The following IQCH variants were observed in gnomAD, a reference collection of about 807,000 sequenced individuals.
IQCH encodes the protein IQ motif containing H.
IQCH carries 98 observed loss-of-function variants against 117.0 expected under a neutral mutation model. The observed-to-expected ratio is 0.84, with a 90% CI of 0.71 to 0.99. The LOEUF (loss-of-function observed/expected upper bound fraction) is 0.99, where lower values mean the gene tolerates loss of function less well. Ranked by LOEUF, IQCH falls within the 50% of genes least tolerant of loss-of-function variation. The pLI, the probability that IQCH is intolerant of heterozygous loss-of-function variation, is 0.00. For missense variants in IQCH, 1,102 were observed against 1,243.8 expected (o/e 0.89, Z 1.72); for synonymous variants, 412 against 448.2 (o/e 0.92, Z 1.02).
In IQCH at chr15:67,481,483, G is replaced by A. The variant is rs1027729719; in HGVS notation, c.2799+5665G>A. ...CCATGGTTCAGTTACCTCCCACTGC[G>A]TTCCTCCCATGACACGTGGGGATTA... On this transcript the variant is annotated intron_variant, in intron 18 of 20. Transcript: ENST00000335894. The surrounding 1 kb of genome is among the most constrained non-coding windows in gnomAD (Gnocchi z 4.1). Among the ~76,000 whole-genome samples the A allele has an allele frequency of 6.6e-5, 10 of 152,128 alleles. No individual in the cohort carries two copies. The highest frequency in any genetic ancestry group is 2.6e-4 in the Admixed American group (4 of 15,278).
rs2082378111 is a variant in IQCH at position 67,445,790 on chromosome 15, T to C, written c.2506-19337T>C. Among the ~76,000 whole-genome samples the C allele has an allele frequency of 6.6e-6, 1 of 152,184 alleles. No individual in the cohort carries two copies. On this transcript the variant is annotated intron_variant, in intron 16 of 20. Transcript: ENST00000335894. The surrounding 1 kb of genome is among the most constrained non-coding windows in gnomAD (Gnocchi z 4.3). ...CAAATGTCTTAATATGTAAATGCTATTAAACCAACCCACTGGAGCTTGATC... is the reference window on the plus strand; with the variant it reads ...CAAATGTCTTAATATGTAAATGCTACTAAACCAACCCACTGGAGCTTGATC...
In IQCH at chr15:67,372,677, C is replaced by T. The variant is rs1342702664; in HGVS notation, c.1305+15C>T. Reference sequence around the variant, plus strand: ...TTCGAGCCAAGGTGCACAAGGCTGCCAGCTGTTAAGGCAGACCTCTTTTTC... The same window carrying T: ...TTCGAGCCAAGGTGCACAAGGCTGCTAGCTGTTAAGGCAGACCTCTTTTTC... On this transcript the variant is annotated intron_variant, in intron 9 of 20. Transcript: ENST00000335894. The T allele has an allele frequency of 2.5e-6, 4 of 1,584,388 alleles. No individual in the cohort carries two copies. The Admixed American group carries it at 7.2e-5, about 28-fold the overall frequency.
chr15:67,257,881 G>T (rs753062984), intron 1 of IQCH, among the ~76,000 whole-genome samples: 2 of 152,192 alleles, frequency 1.3e-5, no homozygotes, highest in Non-Finnish European at 2.9e-5. Flanking sequence ...TTGACAGTTT[G>T]CTATTTTCAT....
At chr15:67,319,088 G>A (rs12441098) in intron 4 of IQCH, among the ~76,000 whole-genome samples, 45,082 of 151,882 alleles carry the variant, frequency 0.3, 6,887 homozygotes, top group South Asian at 0.37. Context: ...TTAACCAGGC[G>A]TGGTGGCGGG....
At position 67,436,424 on chromosome 15, in the gene IQCH, G is replaced by A. The variant is rs1364362590; in HGVS notation, c.2505+14847G>A. Among the ~76,000 whole-genome samples the A allele has an allele frequency of 1.3e-5, 2 of 152,162 alleles. No individual in the cohort carries two copies. The highest frequency in any genetic ancestry group is 2.9e-5 in the Non-Finnish European group (2 of 68,022). Reference sequence around the variant, plus strand: ...AGCAGAAAGGCCCTAGGAGCTCACTGCATCCCCTAGCAGCCCATTTCTGCC... The same window carrying A: ...AGCAGAAAGGCCCTAGGAGCTCACTACATCCCCTAGCAGCCCATTTCTGCC... On this transcript the variant is annotated intron_variant, in intron 16 of 20. Transcript: ENST00000335894. The surrounding 1 kb of genome is among the most constrained non-coding windows in gnomAD (Gnocchi z 5.1).
intron 17 of IQCH, among the ~76,000 whole-genome samples, chr15:67,471,375 T>C (rs1168389389): frequency 6.6e-6 from 1 of 152,222 alleles, no homozygotes; most frequent in Non-Finnish European, 1.5e-5. Context: ...GTCAACCTTT[T>C]AATAGAAAAT....
chr15:67,319,256 C>T (rs1165652249), intron 4 of IQCH, among the ~76,000 whole-genome samples: 1 of 151,982 alleles, frequency 6.6e-6, no homozygotes, highest in Admixed American at 6.6e-5. Flanking sequence ...GAAAGAAATC[C>T]TTAACATCAT....
chr15:67,440,841 A>T (rs1264606471), intron 16 of IQCH, among the ~76,000 whole-genome samples: 1 of 152,100 alleles, frequency 6.6e-6, no homozygotes, highest in East Asian at 1.9e-4. Context: ...ACTCCTCTTT[A>T]ACAGTACTGG....
rs1415262160 is a variant in IQCH, at chr15:67,427,119, AAAAAAT to A, written c.2505+5546_2505+5551del. Among the ~76,000 whole-genome samples the A allele has an allele frequency of 4.6e-5, 7 of 152,228 alleles. No homozygotes were observed. ...GTAAATAAAGTTTTATTGGAACACTAAAAAATAAATAACTTCTCCAACAATGAGAAA... is the reference window on the plus strand; with the variant it reads ...GTAAATAAAGTTTTATTGGAACACTAAAATAACTTCTCCAACAATGAGAAA... On this transcript the variant is annotated intron_variant, in intron 16 of 20. Coordinates refer to ENST00000335894, the MANE Select transcript of IQCH (RefSeq NM_001031715.3). This position sits in a 1 kb window ranked among gnomAD's most constrained non-coding sequence, Gnocchi z 4.7.
At chr15:67,383,906 A>G (rs1971024269) in intron 10 of IQCH, among the ~76,000 whole-genome samples, 1 of 152,196 alleles carries the variant, frequency 6.6e-6, no homozygotes. Context: ...CTGACATCAA[A>G]GCAAAGAGCC....
chr15:67,299,862 A>G (rs1966936332), intron 4 of IQCH, among the ~76,000 whole-genome samples: 1 of 152,086 alleles, frequency 6.6e-6, no homozygotes, highest in Non-Finnish European at 1.5e-5. Context: ...TCAAGACGCA[A>G]TTTCTTTTTT....
In IQCH at chr15:67,426,089, A is replaced by G. The variant is rs1016583201; in HGVS notation, c.2505+4512A>G. ...ATAAGATGTTCCAGGCTCATTTTCTATTTTCCTTGCCCTGGACCTAGGATC... is the reference window on the plus strand; with the variant it reads ...ATAAGATGTTCCAGGCTCATTTTCTGTTTTCCTTGCCCTGGACCTAGGATC... On this transcript the variant is annotated intron_variant, in intron 16 of 20. Transcript: ENST00000335894. The surrounding 1 kb of genome is among the most constrained non-coding windows in gnomAD (Gnocchi z 5.1). 7.2e-5 allele frequency among the ~76,000 whole-genome samples: 11 copies of G among 151,972 alleles called. No individual in the cohort carries two copies. The highest frequency in any genetic ancestry group is 2.4e-4 in the African/African-American group (10 of 41,366).
chr15:67,339,345 G>A (rs1469208894), intron 5 of IQCH, among the ~76,000 whole-genome samples: 1 of 152,074 alleles, frequency 6.6e-6, no homozygotes, highest in African/African-American at 2.4e-5. Flanking sequence ...ATGAACACAG[G>A]TCAAAGATTT....
intron 18 of IQCH, among the ~76,000 whole-genome samples, chr15:67,484,492 A>T (rs563760531): frequency 6.6e-6 from 1 of 151,100 alleles, no homozygotes; most frequent in African/African-American, 2.4e-5. Context: ...GCACTTTGGG[A>T]GGCCAAGGCA....
chr15:67,422,591 T>C lies in IQCH; in HGVS notation c.2505+1014T>C, dbSNP rs745645247. Among the ~76,000 whole-genome samples the C allele has an allele frequency of 6.6e-5, 10 of 152,128 alleles. No individual in the cohort carries two copies. Among genetic ancestry groups the C allele is most frequent in the Non-Finnish European group, 1.3e-4 (9 of 68,026 alleles). On this transcript the variant is annotated intron_variant, in intron 16 of 20. Transcript: ENST00000335894. This position sits in a 1 kb window ranked among gnomAD's most constrained non-coding sequence, Gnocchi z 4.7. ...CACACATGGATACACCCAAAAATAA[T>C]GTAGAGTTTTATTTTGCATGTTTTT...
chr15:67,468,257 A>G (rs2082982921), intron 17 of IQCH, among the ~76,000 whole-genome samples: 1 of 152,210 alleles, frequency 6.6e-6, no homozygotes, highest in South Asian at 2.1e-4. Context: ...ATCTTAACAC[A>G]ACCCAAGTCA....
At position 67,279,386 on chromosome 15, in the gene IQCH, C is replaced by G; in HGVS notation, c.270-9C>G. The G allele has an allele frequency of 5.7e-6, 8 of 1,412,918 alleles. No individual in the cohort carries two copies. Among genetic ancestry groups the G allele is most frequent in the Non-Finnish European group, 7.9e-6 (8 of 1,009,846 alleles). 87.5% of individuals were successfully genotyped at this position (1,412,918 alleles called of 1,614,324 possible). A position where few individuals can be genotyped will look rare whatever the true frequency, so the allele number is the denominator to read the frequency against. On this transcript the variant is annotated splice_polypyrimidine_tract_variant and intron_variant, in intron 3 of 20. Transcript: ENST00000335894. ...AATTTGATTTTAAATTCCATTTCTT[C>G]TTACTTAGGTTACTTCCAACTGTAA...
At chr15:67,326,501 C>A (rs1968415669) in intron 4 of IQCH, among the ~76,000 whole-genome samples, 1 of 152,138 alleles carries the variant, frequency 6.6e-6, no homozygotes, top group Non-Finnish European at 1.5e-5. Flanking sequence ...ATGGCTGGGT[C>A]AAATGGTATT....
At chr15:67,328,602 G>A (rs1424851619) in intron 4 of IQCH, among the ~76,000 whole-genome samples, 2 of 152,162 alleles carry the variant, frequency 1.3e-5, no homozygotes, top group Non-Finnish European at 2.9e-5. Context: ...GCCTAGAGGA[G>A]GAGAATATTC....
Sources: gnomAD v4.1 joint callset for allele counts (sites outside exome capture counted in the v4.1 genomes callset) on GRCh38, gnomAD v4.1.1 for gene constraint, Gnocchi (gnomAD v3.1) non-coding constraint, MANE v1.5 for transcripts, NCBI Gene and HGNC (gene_info 2026-07-23, HGNC 2026-07-21) for gene names.